The following TRAF3IP3 variants were observed in gnomAD, a reference collection of about 807,000 sequenced individuals.
The protein encoded by TRAF3IP3 is TRAF3-interacting JNK-activating modulator.
TRAF3IP3 carries 64 observed loss-of-function variants against 86.5 expected under a neutral mutation model. That is an observed-to-expected ratio of 0.74 (90% CI 0.60 to 0.91). The LOEUF (loss-of-function observed/expected upper bound fraction) is 0.91, where lower values mean the gene tolerates loss of function less well. Ranked by LOEUF, TRAF3IP3 falls within the 40% of genes least tolerant of loss-of-function variation. The probability of loss-of-function intolerance (pLI) is 0.00; values close to 1 mark genes in which losing one functional copy is unlikely to be tolerated. For missense variants in TRAF3IP3, 579 were observed against 642.9 expected, an observed-to-expected ratio of 0.90 and a Z score of 1.07; for synonymous variants, 220 against 243.9, an observed-to-expected ratio of 0.90 and a Z score of 0.91.
intron 8 of TRAF3IP3, among the ~76,000 whole-genome samples, chr1:209,771,187 G>T (rs1226542915): frequency 4.0e-5 from 6 of 148,274 alleles, no homozygotes; most frequent in South Asian, 2.2e-4. Context: ...GCGTGCGCAT[G>T]TGGAGGTGTG....
intron 8 of TRAF3IP3, among the ~76,000 whole-genome samples, chr1:209,771,126 G>A (rs553314626): frequency 1.1e-4 from 16 of 146,994 alleles, no homozygotes; most frequent in Admixed American, 2.0e-4. Flanking sequence ...GGAAGTGTGC[G>A]TGTGCATATG....
intron 6 of TRAF3IP3, 98 bp downstream of exon 6, chr1:209,763,190 T>C: frequency 6.9e-7 from 1 of 1,448,478 alleles, no homozygotes; most frequent in South Asian, 1.1e-5. Context: ...GAGGGGCATC[T>C]TCTTCCTGGA....
At chr1:209,770,726 C>CAT (rs1558019129) in intron 8 of TRAF3IP3, among the ~76,000 whole-genome samples, 1 of 54,802 alleles carries the variant, frequency 1.8e-5, no homozygotes, top group East Asian at 6.4e-4. Flanking sequence ...TGGAGGTGTG[C>CAT]GTGTGCAGGT....
At chr1:209,779,508 G>A in intron 14 of TRAF3IP3, 134 bp downstream of exon 14, 1 of 768,696 alleles carries the variant, frequency 1.3e-6, no homozygotes, top group Non-Finnish European at 2.3e-6. Context: ...ATGTGTGGGA[G>A]CTTTTTAAGG....
At chr1:209,776,095 A>C (rs1280075742) in intron 11 of TRAF3IP3, 1 of 185,670 alleles carries the variant, frequency 5.4e-6, no homozygotes. Context: ...CACTGTTGGC[A>C]AAGAAAGAAT....
intron 14 of TRAF3IP3, 196 bp downstream of exon 14, chr1:209,779,570 G>A: frequency 1.4e-6 from 1 of 694,670 alleles, no homozygotes; most frequent in Non-Finnish European, 2.7e-6. Flanking sequence ...CTATCTTGAG[G>A]TATATAAACT....
intron 8 of TRAF3IP3, among the ~76,000 whole-genome samples, chr1:209,767,821 TG>T (rs757614815): frequency 6.6e-6 from 1 of 152,002 alleles, no homozygotes; most frequent in Non-Finnish European, 1.5e-5. Context: ...GCAAGCTTTG[TG>T]GGAATGAGGG....
At chr1:209,761,934 C>G (rs2077252877) in intron 3 of TRAF3IP3, among the ~76,000 whole-genome samples, 1 of 152,248 alleles carries the variant, frequency 6.6e-6, no homozygotes, top group South Asian at 2.1e-4. Context: ...AGTACAGCTC[C>G]ACATATGCCT....
At chr1:209,774,346 A>C (rs2077608773) in intron 9 of TRAF3IP3, among the ~76,000 whole-genome samples, 1 of 152,204 alleles carries the variant, frequency 6.6e-6, no homozygotes. Context: ...TCCCTGAAGG[A>C]GTTTACAATC....
At chr1:209,779,213 T>C (rs918546502) in intron 13 of TRAF3IP3, 102 bp from the exon 14 acceptor site, 5 of 886,200 alleles carry the variant, frequency 5.6e-6, no homozygotes, top group African/African-American at 1.7e-5. Context: ...ACACAGCAGA[T>C]GGGAACATAT....
chr1:209,772,837 T>C, intron 8 of TRAF3IP3, 111 bp from the exon 9 acceptor site: 2 of 877,036 alleles, frequency 2.3e-6, no homozygotes, highest in Non-Finnish European at 3.7e-6. Context: ...CTGAAAGAGT[T>C]CACTGTTTGA....
At chr1:209,759,891 G>A (rs2077215257) in intron 2 of TRAF3IP3, 91 bp from the exon 3 acceptor site, 8 of 646,838 alleles carry the variant, frequency 1.2e-5, no homozygotes, top group Admixed American at 2.9e-5. Flanking sequence ...ATGGAACTCT[G>A]TGCTATTTCT....
intron 13 of TRAF3IP3, chr1:209,778,485 T>G (rs41274836): frequency 0.047 from 15,029 of 320,930 alleles, 1,638 homozygotes; most frequent in East Asian, 0.34. Context: ...TTCTAATTTA[T>G]GTACATGAAT....
intron 8 of TRAF3IP3, among the ~76,000 whole-genome samples, chr1:209,770,755 GTGGAGGTGTGCGTGTGCCTA>G (rs2077467472): frequency 1.5e-5 from 2 of 135,446 alleles, no homozygotes; most frequent in Admixed American, 1.5e-4. Context: ...GCGTGTGCAG[GTGGAGGTGTGCGTGTGCCTA>G]TGGAGGTGTG....
At chr1:209,770,870 T>C (rs2077476559) in intron 8 of TRAF3IP3, among the ~76,000 whole-genome samples, 4 of 122,742 alleles carry the variant, frequency 3.3e-5, no homozygotes, top group East Asian at 2.7e-4. Flanking sequence ...AGTGTGTGTG[T>C]GCCATGTGGA....
intron 6 of TRAF3IP3, 86 bp from the exon 7 acceptor site, chr1:209,763,277 C>T: frequency 2.0e-6 from 3 of 1,528,240 alleles, no homozygotes; most frequent in Non-Finnish European, 1.8e-6. Flanking sequence ...GTTTGCTCTA[C>T]ACAAGCCAGC....
chr1:209,761,347 A>T (rs2077241524), intron 3 of TRAF3IP3, among the ~76,000 whole-genome samples: 2 of 152,234 alleles, frequency 1.3e-5, no homozygotes, highest in Admixed American at 1.3e-4. Context: ...CTGGAAAGGA[A>T]CAATGTTGGC....
At position 209,765,645 on chromosome 1, in the gene TRAF3IP3, C is replaced by CGA. The variant is rs531694067; in HGVS notation, c.702+2059_702+2060dup. Among the ~76,000 whole-genome samples the CGA allele has an allele frequency of 3.3e-4, 50 of 152,018 alleles. No individual in the cohort carries two copies. The South Asian group carries it at 1.0e-2, about 30-fold the overall frequency. Reference sequence around the variant, plus strand: ...CTGCACCACTGCATTCCAGCCTGGGCGATGGGAGTGAAACTCTGTCTCAAA... The same window carrying CGA: ...CTGCACCACTGCATTCCAGCCTGGGCGAGATGGGAGTGAAACTCTGTCTCAAA... On this transcript the variant is annotated intron_variant, in intron 8 of 16. Coordinates refer to ENST00000367025, the MANE Select transcript of TRAF3IP3 (RefSeq NM_025228.4).
Position 209,768,109 on chromosome 1 carries a change from C to T in TRAF3IP3, c.702+4522C>T, listed in dbSNP as rs185516219. The stretch of plus-strand genomic sequence containing the variant: ...TATCTCTTCCATGAAAGCCTCAACT[C>T]CAATAAAAGTATAGCCCCAAACTGT... On this transcript the variant is annotated intron_variant, in intron 8 of 16. Coordinates refer to ENST00000367025, the MANE Select transcript of TRAF3IP3 (RefSeq NM_025228.4). 4 of 983,556 alleles carry T rather than the reference C, an allele frequency of 4.1e-6. No individual in the cohort carries two copies. The East Asian group carries it at 4.5e-4, about 112-fold the overall frequency. The allele number at this position is 983,556 out of a possible 1,614,324, so 60.9% of individuals were successfully genotyped here.
Sources: allele counts gnomAD v4.1 joint callset (sites outside exome capture counted in the v4.1 genomes callset), GRCh38; gene constraint gnomAD v4.1.1; transcripts MANE v1.5; gene names NCBI Gene and HGNC (gene_info 2026-07-23, HGNC 2026-07-21).